DDX54: variants seen among roughly 807,000 people sequenced by gnomAD.
The protein encoded by DDX54 is DEAD-box helicase 54.
A neutral mutation model predicts 105.5 loss-of-function variants in DDX54; 67 were observed. The ratio of observed to expected loss-of-function variants is 0.64; its 90% CI spans 0.52 to 0.78. The LOEUF (loss-of-function observed/expected upper bound fraction) is 0.78. DDX54 is among the 30% of genes least tolerant of loss of function. The pLI, the probability that DDX54 is intolerant of heterozygous loss-of-function variation, is 0.00. For synonymous variants in DDX54, 514 were observed against 509.9 expected, an observed-to-expected ratio of 1.01 and a Z score of -0.11; for missense variants, 1,206 against 1,230.5, an observed-to-expected ratio of 0.98 and a Z score of 0.30.
At chr12:113,180,113 A>G (rs1169747839) in intron 2 of DDX54, 108 bp from the exon 3 acceptor site, 71 of 750,080 alleles carry the variant, frequency 9.5e-5, no homozygotes, top group South Asian at 8.4e-4. Context: ...ACAGCAAGGG[A>G]AAAAAAAAAG....
At chr12:113,171,993 A>G (rs1237254978) in intron 11 of DDX54, among the ~76,000 whole-genome samples, 1 of 152,262 alleles carries the variant, frequency 6.6e-6, no homozygotes, top group South Asian at 2.1e-4. Context: ...TCCCACACAT[A>G]GCCGATTTTA....
At position 113,172,348 on chromosome 12, in the gene DDX54, C is replaced by G. The variant is rs1381616948; in HGVS notation, c.1279+5G>C. 1 of 1,613,114 alleles carries G rather than the reference C, an allele frequency of 6.2e-7. No individual in the cohort carries two copies. The highest frequency in any genetic ancestry group is 2.2e-5 in the East Asian group (1 of 44,844). On this transcript the variant is annotated splice_donor_5th_base_variant and intron_variant, in intron 11 of 19. Coordinates refer to ENST00000306014, the MANE Select transcript of DDX54 (RefSeq NM_024072.4). ...CTGCCCCAGGGCCAGCCACGGGCTG[C>G]TTACCCACGCGGTGCAGGAAGAGTT...
chr12:113,169,563 G>A (rs1243074747), intron 12 of DDX54, among the ~76,000 whole-genome samples: 1 of 152,164 alleles, frequency 6.6e-6, no homozygotes, highest in Non-Finnish European at 1.5e-5. Flanking sequence ...AGAGGTTGCT[G>A]TGAGCCAAGA....
In DDX54 at chr12:113,162,950, C is replaced by T; in HGVS notation, c.2177G>A (p.Gly726Asp). 2 of 1,603,116 alleles carry T rather than the reference C, an allele frequency of 1.2e-6. No homozygotes were observed. Among genetic ancestry groups the T allele is most frequent in the Non-Finnish European group, 1.7e-6 (2 of 1,177,746 alleles). ...CACTCACCACTTGAGCTGCTGCCGGCCCCTCGTCAGGTTCTGGGCTTCATC... is the reference window on the plus strand; with the variant it reads ...CACTCACCACTTGAGCTGCTGCCGGTCCCTCGTCAGGTTCTGGGCTTCATC... ...MGDEAQNLTR[G>D]RQQLKWDRKK... Residue 726 changes from glycine to aspartate, a missense_variant, in exon 17 of 20, where the codon GGC (glycine) becomes GAC (aspartate). By Grantham distance (94) the Gly-to-Asp change is moderately conservative. This residue lies in a region of DDX54 where 961 missense variants were observed against 1,019.1 expected (regional missense o/e 0.94). Transcript: ENST00000306014.
At chr12:113,169,428 C>T (rs1219590333) in intron 12 of DDX54, among the ~76,000 whole-genome samples, 1 of 152,012 alleles carries the variant, frequency 6.6e-6, no homozygotes, top group Non-Finnish European at 1.5e-5. Flanking sequence ...ATCAGCCTGG[C>T]CAACATGGTG....
At chr12:113,182,022 C>T (rs1306068813) in intron 1 of DDX54, among the ~76,000 whole-genome samples, 3 of 152,016 alleles carry the variant, frequency 2.0e-5, no homozygotes, top group Non-Finnish European at 2.9e-5. Flanking sequence ...ATTTACGGAG[C>T]AGCAATTCAT....
chr12:113,172,481 A>C lies in DDX54; in HGVS notation c.1151T>G (p.Phe384Cys). 2 of 1,614,216 alleles carry C rather than the reference A, an allele frequency of 1.2e-6. No individual in the cohort carries two copies. The highest frequency in any genetic ancestry group is 1.7e-6 in the Non-Finnish European group (2 of 1,180,034). Residue 384 changes from phenylalanine (F) to cysteine (C), a missense_variant, in exon 11 of 20, where the codon TTC becomes TGC. By Grantham distance (205) the Phe-to-Cys change is radical. Around this residue, in one of 3 missense-constraint regions of DDX54, gnomAD observed 961 missense variants for 1,019.1 expected, o/e 0.94. Transcript: ENST00000306014. ...PTARKINLAK[F>C]TLGKCSTLIV... Reference sequence around the variant, plus strand: ...GAGAGTGGAGCACTTGCCAAGCGTGAATTTGGCGAGATTGATCTTGCGGGC... The same window carrying C: ...GAGAGTGGAGCACTTGCCAAGCGTGCATTTGGCGAGATTGATCTTGCGGGC...
chr12:113,175,006 A>G, intron 8 of DDX54, 30 bp downstream of exon 8: 1 of 1,303,404 alleles, frequency 7.7e-7, no homozygotes. Flanking sequence ...CCTGACCCCC[A>G]GCCCCCATCT....
Position 113,185,361 on chromosome 12 carries a change from C to T in DDX54, c.91G>A (p.Gly31Ser), listed in dbSNP as rs543112680. 1.9e-6 allele frequency: 3 copies of T among 1,581,538 alleles called. No individual in the cohort carries two copies. Among genetic ancestry groups the T allele is most frequent in the Middle Eastern group, 1.7e-4 (1 of 5,996 alleles). Residue 31 changes from glycine to serine, a missense_variant, in exon 1 of 20, where the codon GGC becomes AGC. Physicochemically the swap from Gly to Ser is moderately conservative, Grantham distance 56. Transcript: ENST00000306014. Reference protein sequence around the residue: ...RKKKGLRKRRGAASQARGSDS... With the variant: ...RKKKGLRKRRSAASQARGSDS... ...CTGCCGCGGGCCTGGGAGGCCGCGC[C>T]TCGGCGCTTCCGGAGCCCTTTCTTC... is the stretch of plus-strand genomic sequence containing the variant.
At position 113,180,830 on chromosome 12, in the gene DDX54, A is replaced by G. The variant is rs1469016362; in HGVS notation, c.304+99T>C. 2.6e-6 allele frequency: 4 copies of G among 1,566,714 alleles called. No individual in the cohort carries two copies. The African/African-American group carries it at 4.1e-5, about 16-fold the overall frequency. ...CTGCTACCCCGGTCTACCCAACCAC[A>G]GTGCTGGGCCCAGAGTGGACATCAG... On this transcript the variant is annotated intron_variant, in intron 2 of 19. Transcript: ENST00000306014.
rs778089757 is a variant in DDX54, at chr12:113,180,928, C to G, written c.304+1G>C. 2 of 1,613,624 alleles carry G rather than the reference C, an allele frequency of 1.2e-6. No homozygotes were observed. Among genetic ancestry groups the G allele is most frequent in the East Asian group, 4.5e-5 (2 of 44,836 alleles). On this transcript the variant is annotated splice_donor_variant, in intron 2 of 19. Transcript: ENST00000306014. LOFTEE classifies it high-confidence loss of function. Reference sequence around the variant, plus strand: ...AGTCCCTGATGCCAAGTTGCACCCACCCATGGACTGGAAGCCTCCAGACTT... The same window carrying G: ...AGTCCCTGATGCCAAGTTGCACCCAGCCATGGACTGGAAGCCTCCAGACTT...
intron 6 of DDX54, 24 bp from the exon 7 acceptor site, chr12:113,176,959 G>C (rs1249817469): frequency 1.9e-6 from 3 of 1,614,054 alleles, no homozygotes; most frequent in Non-Finnish European, 2.5e-6. Flanking sequence ...CACAGGCCAG[G>C]TGACCCCAGG....
In DDX54 at chr12:113,172,426, C is replaced by G. The variant is rs776467533; in HGVS notation, c.1206G>C (p.Leu402=). ...LIVTDLAARG[L]DIPLLDNVIN... ...TGACATTGTCCAGCAGCGGGATGTC[C>G]AGGCCTCGGGCGGCCAGGTCAGTCA... The change falls in exon 11 of 20, where the codon CTG becomes CTC. Residue 402 remains leucine (L), a synonymous_variant. Coordinates refer to ENST00000306014, the MANE Select transcript of DDX54 (RefSeq NM_024072.4). 17 of 1,614,158 alleles carry G rather than the reference C, an allele frequency of 1.1e-5. No homozygotes were observed. Among genetic ancestry groups the G allele is most frequent in the East Asian group, 8.9e-5 (4 of 44,904 alleles).
At position 113,163,026 on chromosome 12, in the gene DDX54, C is replaced by A; in HGVS notation, c.2101G>T (p.Gly701Trp). ...GCTGCCTGCTGCTCAAAGGCTCCCC[C>A]TTCCCCGCTGATGCTCAGGCTGCAG... ...SERGLSISGEGGAFEQQAAGA... is the reference protein window; with the variant it reads ...SERGLSISGEWGAFEQQAAGA... Residue 701 changes from glycine (G) to tryptophan (W), a missense_variant, in exon 17 of 20, where the codon GGG becomes TGG. By Grantham distance (184) the Gly-to-Trp change is radical (BLOSUM62 -2). Coordinates refer to ENST00000306014, the MANE Select transcript of DDX54 (RefSeq NM_024072.4). The surrounding 1 kb of genome is among the most constrained non-coding windows in gnomAD (Gnocchi z 5.9). 6.2e-7 allele frequency: 1 copy of A among 1,609,556 alleles called. No individual in the cohort carries two copies. The highest frequency in any genetic ancestry group is 1.1e-5 in the South Asian group (1 of 90,932).
At chr12:113,172,241 A>G in intron 11 of DDX54, 112 bp downstream of exon 11, 1 of 1,263,190 alleles carries the variant, frequency 7.9e-7, no homozygotes, top group Non-Finnish European at 1.1e-6. Flanking sequence ...TGTCTCTAAA[A>G]CAAGGCCCAC....
At position 113,163,324 on chromosome 12, in the gene DDX54, G is replaced by A. The variant is rs1301506480; in HGVS notation, c.1939-50C>T. ...AGTGTCATGCCTGCTGCCCCCTGGG[G>A]ACTTCCCCCTGCCTCCCTACCCACC... On this transcript the variant is annotated intron_variant, in intron 15 of 19. Transcript: ENST00000306014. This position sits in a 1 kb window ranked among gnomAD's most constrained non-coding sequence, Gnocchi z 5.9. 5 of 1,568,514 alleles carry A rather than the reference G, an allele frequency of 3.2e-6. No individual in the cohort carries two copies. The Admixed American group carries it at 7.0e-5, about 22-fold the overall frequency.
At position 113,158,843 on chromosome 12, in the gene DDX54, C is replaced by T. The variant is rs773970806; in HGVS notation, c.*34G>A. The T allele has an allele frequency of 1.9e-6, 3 of 1,558,850 alleles. No individual in the cohort carries two copies. Among genetic ancestry groups the T allele is most frequent in the Non-Finnish European group, 2.6e-6 (3 of 1,147,022 alleles). ...ACGTCTGCTGATGCCCACCCTAAGG[C>T]CAATCAAGGAGCCACGGGGCTGGGT... On this transcript the variant is annotated 3_prime_UTR_variant, in exon 20 of 20. Coordinates refer to ENST00000306014, the MANE Select transcript of DDX54 (RefSeq NM_024072.4). This position sits in a 1 kb window ranked among gnomAD's most constrained non-coding sequence, Gnocchi z 4.9.
chr12:113,168,413 G>T (rs1462417458), intron 12 of DDX54, among the ~76,000 whole-genome samples: 2 of 152,240 alleles, frequency 1.3e-5, no homozygotes, highest in Non-Finnish European at 2.9e-5. Flanking sequence ...CCTCCCTGCT[G>T]TGTGCATGCG....
Position 113,163,065 on chromosome 12 carries a change from G to A in DDX54, c.2082-20C>T. On this transcript the variant is annotated intron_variant, in intron 16 of 19. Transcript: ENST00000306014. This position sits in a 1 kb window ranked among gnomAD's most constrained non-coding sequence, Gnocchi z 5.9. ...CTCAGGCTGCAGAGGGAGAGTGGGA[G>A]ACATAATTGGATTGATGGGACCCAG... 1 of 1,609,060 alleles carries A rather than the reference G, an allele frequency of 6.2e-7. No individual in the cohort carries two copies. The highest frequency in any genetic ancestry group is 8.5e-7 in the Non-Finnish European group (1 of 1,178,786).
Sources: gnomAD v4.1 joint callset for allele counts (sites outside exome capture counted in the v4.1 genomes callset) on GRCh38, gnomAD v4.1.1 for gene constraint, gnomAD v4.1.1 regional missense constraint, Gnocchi (gnomAD v3.1) non-coding constraint, MANE v1.5 for transcripts, NCBI Gene and HGNC (gene_info 2026-07-23, HGNC 2026-07-21) for gene names.